Variants in PRKCZ observed in about 807,000 individuals in gnomAD.
PRKCZ encodes protein kinase C zeta type.
Under a neutral mutation model 79.5 loss-of-function variants are expected in PRKCZ, and 33 were observed. The observed-to-expected ratio is 0.41, with a 90% CI of 0.31 to 0.55. The LOEUF is 0.55. Ranked by LOEUF, PRKCZ falls within the 20% of genes least tolerant of loss-of-function variation. PRKCZ has a pLI of 0.19. For missense variants in PRKCZ, 578 were observed against 813.5 expected, an observed-to-expected ratio of 0.71 and a Z score of 3.52; for synonymous variants, 342 against 320.9, an observed-to-expected ratio of 1.07 and a Z score of -0.70.
At chr1:2,083,447 A>T (rs112832608) in intron 4 of PRKCZ, among the ~76,000 whole-genome samples, 11 of 152,224 alleles carry the variant, frequency 7.2e-5, no homozygotes, top group Non-Finnish European at 1.3e-4. Flanking sequence ...ATTCCTCATT[A>T]ACTCTAATTA....
intron 9 of PRKCZ, 42 bp from the exon 10 acceptor site, chr1:2,155,953 G>A (rs1311781424): frequency 1.3e-6 from 2 of 1,562,300 alleles, no homozygotes; most frequent in African/African-American, 2.7e-5. Context: ...CCTGTGAGGA[G>A]CATTCGGGAG....
intron 10 of PRKCZ, among the ~76,000 whole-genome samples, chr1:2,160,662 A>C (rs887470484): frequency 3.3e-5 from 5 of 151,628 alleles, no homozygotes; most frequent in Non-Finnish European, 7.4e-5. Context: ...CAGAAGCCAG[A>C]GGGACCTGCT....
intron 6 of PRKCZ, chr1:2,145,585 T>C (rs1295660032): frequency 8.5e-5 from 15 of 177,092 alleles, no homozygotes; most frequent in Non-Finnish European, 1.7e-4. Context: ...TATTACAGTA[T>C]ACCCATTGTA....
At position 2,094,467 on chromosome 1, in the gene PRKCZ, C is replaced by T. The variant is rs1261287906; in HGVS notation, c.334+34876C>T. On this transcript the variant is annotated intron_variant, in intron 4 of 17. Transcript: ENST00000378567. The surrounding 1 kb of genome is among the most constrained non-coding windows in gnomAD (Gnocchi z 7.3). ...CACCCGCTGTGCCCGGCTCGTTGAA[C>T]CTTGGGCGCTGCCCGTTCTGAGGCG... Among the ~76,000 whole-genome samples the T allele has an allele frequency of 6.9e-6, 1 of 144,018 alleles. No individual in the cohort carries two copies. Among genetic ancestry groups the T allele is most frequent in the Admixed American group, 6.9e-5 (1 of 14,598 alleles). The allele number at this position is 144,018 out of a possible 152,430, so 94.5% of individuals were successfully genotyped here.
At chr1:2,139,696 C>A (rs1214500246) in intron 5 of PRKCZ, among the ~76,000 whole-genome samples, 2 of 152,218 alleles carry the variant, frequency 1.3e-5, no homozygotes, top group Non-Finnish European at 2.9e-5. Flanking sequence ...GGACCCTACT[C>A]TCTGGAAATC....
chr1:2,108,836 C>T (rs1281298423), intron 4 of PRKCZ, among the ~76,000 whole-genome samples: 1 of 152,190 alleles, frequency 6.6e-6, no homozygotes, highest in African/African-American at 2.4e-5. Context: ...GTTAGCTCAG[C>T]GGTCTGGAGG....
intron 10 of PRKCZ, among the ~76,000 whole-genome samples, chr1:2,164,883 G>A (rs1683032916): frequency 1.3e-5 from 2 of 152,112 alleles, no homozygotes; most frequent in African/African-American, 2.4e-5. Flanking sequence ...CCAGTCCCAC[G>A]GCTGCACCCT....
intron 4 of PRKCZ, among the ~76,000 whole-genome samples, chr1:2,093,166 C>G (rs1433905844): frequency 6.6e-6 from 1 of 152,176 alleles, no homozygotes; most frequent in Admixed American, 6.5e-5. Flanking sequence ...GGAGAGGAGG[C>G]AGATGGCGAG....
chr1:2,076,959 T>C lies in PRKCZ; in HGVS notation c.334+17368T>C, dbSNP rs536965424. On this transcript the variant is annotated intron_variant, in intron 4 of 17. Transcript: ENST00000378567. ...GGCACCCACCATGCTCGGGACTGGC[T>C]GCTTCTCTGTGAGGCCTCCAGGCAG... is the stretch of plus-strand genomic sequence containing the variant. Among the ~76,000 whole-genome samples the C allele has an allele frequency of 3.3e-5, 5 of 152,270 alleles. No homozygotes were observed. The East Asian group carries it at 9.7e-4, about 29-fold the overall frequency.
chr1:2,088,757 A>C lies in PRKCZ; in HGVS notation c.334+29166A>C, dbSNP rs377458876. The stretch of plus-strand genomic sequence containing the variant: ...CCCAGGCGGCGGCGTCTCTTCACTC[A>C]CAGACTCCAGCTGGGGCTCAGCGCA... On this transcript the variant is annotated intron_variant, in intron 4 of 17. Transcript: ENST00000378567. Among the ~76,000 whole-genome samples, 3 of 152,310 alleles carry C rather than the reference A, an allele frequency of 2.0e-5. No homozygotes were observed. In the East Asian group the frequency reaches 5.8e-4, roughly 29 times the overall value.
rs3737633 is a variant in PRKCZ at position 2,169,620 on chromosome 1, C to G, written c.1061+16C>G. 0.12 allele frequency: 154,331 copies of G among 1,256,252 alleles called. 8,747 individuals carry two copies. The highest frequency in any genetic ancestry group is 0.18 in the African/African-American group (10,975 of 60,150). The allele number at this position is 1,256,252 out of a possible 1,614,324, so 77.8% of individuals were successfully genotyped here. A position where few individuals can be genotyped will look rare whatever the true frequency, so the allele number is the denominator to read the frequency against. On this transcript the variant is annotated intron_variant, in intron 11 of 17. Coordinates refer to ENST00000378567, the MANE Select transcript of PRKCZ (RefSeq NM_002744.6). The stretch of plus-strand genomic sequence containing the variant: ...AGCACGCCAGGTGGGTGCGCGTGGA[C>G]GGGGCCGGGTGGGTGCGCCCGGAGT...
chr1:2,107,930 G>A (rs1384067898), intron 4 of PRKCZ, among the ~76,000 whole-genome samples: 2 of 149,966 alleles, frequency 1.3e-5, no homozygotes, highest in East Asian at 1.9e-4. Context: ...CCCCAACCCC[G>A]GCAGTGTCAA....
chr1:2,152,727 TC>T (rs1016383862), intron 9 of PRKCZ, among the ~76,000 whole-genome samples: 1 of 152,206 alleles, frequency 6.6e-6, no homozygotes, highest in African/African-American at 2.4e-5. Flanking sequence ...TCTGCGGACT[TC>T]CGTCTTCTGC....
At chr1:2,058,109 C>T (rs1399548420) in intron 3 of PRKCZ, among the ~76,000 whole-genome samples, 7 of 151,670 alleles carry the variant, frequency 4.6e-5, no homozygotes, top group South Asian at 2.1e-4. Context: ...CCTCGTGATC[C>T]ACCCGCCTCA....
intron 1 of PRKCZ, among the ~76,000 whole-genome samples, chr1:2,052,398 C>T (rs990604976): frequency 1.3e-5 from 2 of 151,494 alleles, no homozygotes; most frequent in Admixed American, 1.3e-4. Flanking sequence ...CCCTCCCTTC[C>T]CGGACTCTCT....
chr1:2,112,221 C>G (rs1399279796), intron 4 of PRKCZ, among the ~76,000 whole-genome samples: 1 of 152,192 alleles, frequency 6.6e-6, no homozygotes, highest in Non-Finnish European at 1.5e-5. Context: ...TTAGAATCCC[C>G]TAAATTGCTC....
chr1:2,137,493 G>A (rs996154704), intron 5 of PRKCZ, among the ~76,000 whole-genome samples: 15 of 152,208 alleles, frequency 9.9e-5, no homozygotes, highest in Non-Finnish European at 1.0e-4. Context: ...GCAGGGCTGC[G>A]CCCTCCTTCC....
chr1:2,083,920 C>T (rs964416071), intron 4 of PRKCZ, among the ~76,000 whole-genome samples: 9 of 152,176 alleles, frequency 5.9e-5, no homozygotes, highest in East Asian at 1.9e-4. Flanking sequence ...AGGTTTCTTA[C>T]GCGTGCGTGT....
intron 4 of PRKCZ, among the ~76,000 whole-genome samples, chr1:2,087,214 C>G (rs1250981740): frequency 1.3e-5 from 2 of 152,064 alleles, no homozygotes; most frequent in African/African-American, 4.8e-5. Context: ...TCCTGAGTAG[C>G]TGGGATTACA....
Sources: gnomAD v4.1 joint callset for allele counts (sites outside exome capture counted in the v4.1 genomes callset) on GRCh38, gnomAD v4.1.1 for gene constraint, Gnocchi (gnomAD v3.1) non-coding constraint, MANE v1.5 for transcripts, NCBI Gene and HGNC (gene_info 2026-07-23, HGNC 2026-07-21) for gene names.